Variants in SPIDR observed in about 807,000 individuals in gnomAD.
SPIDR encodes the protein DNA repair-scaffolding protein.
Under a neutral mutation model 104.6 loss-of-function variants are expected in SPIDR, and 93 were observed. The observed-to-expected ratio is 0.89, with a 90% CI of 0.75 to 1.06. The LOEUF is 1.06. Ranked by LOEUF, SPIDR falls within the 50% of genes least tolerant of loss-of-function variation. The pLI, the probability that SPIDR is intolerant of heterozygous loss-of-function variation, is 0.00. For synonymous variants in SPIDR, 431 were observed against 416.9 expected, an observed-to-expected ratio of 1.03 and a Z score of -0.41; for missense variants, 1,154 against 1,111.2, an observed-to-expected ratio of 1.04 and a Z score of -0.55.
In SPIDR at chr8:47,552,218, G is replaced by A. The variant is rs1043522627; in HGVS notation, c.1098-43593G>A. ...ATGTGGTCAATTTTGGAATAAGTGC[G>A]ATGTGGTGCTGAGAAGAATATATAA... On this transcript the variant is annotated intron_variant, in intron 8 of 19. Coordinates refer to ENST00000297423, the MANE Select transcript of SPIDR (RefSeq NM_001080394.4). 1.1e-4 allele frequency among the ~76,000 whole-genome samples: 16 copies of A among 152,282 alleles called. No homozygotes were observed. In the East Asian group the frequency reaches 1.2e-3, roughly 11 times the overall value.
At chr8:47,592,901 T>C (rs2061213811) in intron 8 of SPIDR, among the ~76,000 whole-genome samples, 1 of 152,180 alleles carries the variant, frequency 6.6e-6, no homozygotes, top group Admixed American at 6.5e-5. Flanking sequence ...TTGTTTGTTT[T>C]TTGAAGAGGA....
At chr8:47,333,109 A>G (rs2049057387) in intron 5 of SPIDR, among the ~76,000 whole-genome samples, 1 of 152,138 alleles carries the variant, frequency 6.6e-6, no homozygotes, top group Non-Finnish European at 1.5e-5. Flanking sequence ...CAGGATCATC[A>G]GTATCACTGT....
intron 10 of SPIDR, among the ~76,000 whole-genome samples, chr8:47,649,696 C>T (rs897806797): frequency 6.6e-6 from 1 of 152,080 alleles, no homozygotes; most frequent in African/African-American, 2.4e-5. Flanking sequence ...GGTATCATGT[C>T]AAGAAGTTAC....
chr8:47,651,116 AGCTTCTG>A (rs1173257060), intron 10 of SPIDR, among the ~76,000 whole-genome samples: 1 of 152,186 alleles, frequency 6.6e-6, no homozygotes, highest in African/African-American at 2.4e-5. Flanking sequence ...CTAATTAAGA[AGCTTCTG>A]CACAGCAACA....
chr8:47,351,957 A>G (rs2053578143), intron 5 of SPIDR, among the ~76,000 whole-genome samples: 1 of 152,194 alleles, frequency 6.6e-6, no homozygotes, highest in Non-Finnish European at 1.5e-5. Flanking sequence ...ACAGATGTTC[A>G]GGATCCTTTA....
At chr8:47,269,535 C>T (rs1285430142) in intron 1 of SPIDR, among the ~76,000 whole-genome samples, 123 of 147,628 alleles carry the variant, frequency 8.3e-4, no homozygotes, top group African/African-American at 2.5e-3. Flanking sequence ...GGATTACAGG[C>T]GTGAGCCACT....
At chr8:47,480,419 G>T (rs1450249568) in intron 8 of SPIDR, among the ~76,000 whole-genome samples, 3 of 152,226 alleles carry the variant, frequency 2.0e-5, no homozygotes, top group Non-Finnish European at 4.4e-5. Context: ...CAGGAGGAAA[G>T]GTCCTAAATC....
At chr8:47,442,775 T>A (rs1392588401) in intron 8 of SPIDR, among the ~76,000 whole-genome samples, 4 of 152,172 alleles carry the variant, frequency 2.6e-5, no homozygotes, top group African/African-American at 9.6e-5. Context: ...TCTTTTTCTA[T>A]TTTTTGTAGA....
At chr8:47,603,294 A>C (rs1044030396) in intron 10 of SPIDR, among the ~76,000 whole-genome samples, 2 of 152,176 alleles carry the variant, frequency 1.3e-5, no homozygotes, top group Non-Finnish European at 2.9e-5. Flanking sequence ...ACCTCACTCC[A>C]AGCCCATGGT....
chr8:47,338,413 G>T (rs1407068209), intron 5 of SPIDR, among the ~76,000 whole-genome samples: 1 of 152,210 alleles, frequency 6.6e-6, no homozygotes, highest in Admixed American at 6.5e-5. Flanking sequence ...AGTGGAAGAT[G>T]CAGCATCATT....
At chr8:47,516,452 C>T (rs2083168210) in intron 8 of SPIDR, among the ~76,000 whole-genome samples, 1 of 152,168 alleles carries the variant, frequency 6.6e-6, no homozygotes, top group South Asian at 2.1e-4. Context: ...CCACAAGTCC[C>T]TAGCAACCTC....
intron 5 of SPIDR, among the ~76,000 whole-genome samples, chr8:47,301,584 G>A (rs1287371508): frequency 6.7e-6 from 1 of 148,512 alleles, no homozygotes; most frequent in African/African-American, 2.5e-5. Context: ...GGCTGGTACT[G>A]GTTGTTCCTT....
intron 14 of SPIDR, among the ~76,000 whole-genome samples, chr8:47,711,765 A>G (rs2081928014): frequency 6.6e-6 from 1 of 152,182 alleles, no homozygotes. Context: ...TCTTATTTCT[A>G]TATGTATAAC....
At chr8:47,327,061 G>A (rs181326989) in intron 5 of SPIDR, among the ~76,000 whole-genome samples, 77 of 152,084 alleles carry the variant, frequency 5.1e-4, no homozygotes, top group Non-Finnish European at 1.1e-3. Flanking sequence ...TGTTAGCAAC[G>A]CACAAAGGTT....
At chr8:47,320,398 A>C (rs923899563) in intron 5 of SPIDR, among the ~76,000 whole-genome samples, 10 of 152,114 alleles carry the variant, frequency 6.6e-5, no homozygotes, top group Non-Finnish European at 1.3e-4. Flanking sequence ...ACTAAACCAG[A>C]AAGAAGTTGA....
chr8:47,397,028 G>A (rs1365517224), intron 6 of SPIDR, among the ~76,000 whole-genome samples: 6 of 152,138 alleles, frequency 3.9e-5, no homozygotes, highest in Admixed American at 6.5e-5. Flanking sequence ...ACCCACAGAT[G>A]AGACGTATCT....
At chr8:47,710,311 A>C (rs2081667691) in intron 14 of SPIDR, among the ~76,000 whole-genome samples, 5 of 152,184 alleles carry the variant, frequency 3.3e-5, no homozygotes. Context: ...AATTAATTTC[A>C]AAGGAGATTA....
intron 8 of SPIDR, among the ~76,000 whole-genome samples, chr8:47,547,590 G>T (rs1420164681): frequency 1.3e-5 from 2 of 151,142 alleles, no homozygotes; most frequent in East Asian, 3.9e-4. Flanking sequence ...CCACCACCAC[G>T]CCCAGCTAAT....
intron 10 of SPIDR, among the ~76,000 whole-genome samples, chr8:47,644,296 A>G (rs2069813343): frequency 1.3e-5 from 2 of 152,240 alleles, no homozygotes; most frequent in South Asian, 4.1e-4. Flanking sequence ...CAAGCACAGC[A>G]TAAATCTGAA....
Sources: gnomAD v4.1 joint callset for allele counts (sites outside exome capture counted in the v4.1 genomes callset) on GRCh38, gnomAD v4.1.1 for gene constraint, MANE v1.5 for transcripts, NCBI Gene and HGNC (gene_info 2026-07-23, HGNC 2026-07-21) for gene names.